Variants in PHACTR1 observed in about 807,000 individuals in gnomAD.
PHACTR1 encodes the protein RPEL repeat containing 1.
In PHACTR1, 16 loss-of-function variants were observed where a neutral mutation model predicts 69.2. That is an observed-to-expected ratio of 0.23 (90% confidence interval 0.16 to 0.35). The LOEUF is 0.35. Among genes scored for constraint, PHACTR1 ranks in the 10% least tolerant of loss-of-function variants. The pLI is 1.00. For synonymous variants in PHACTR1, 312 were observed against 284.5 expected, an observed-to-expected ratio of 1.10 and a Z score of -0.97; for missense variants, 510 against 734.7, an observed-to-expected ratio of 0.69 and a Z score of 3.54.
intron 6 of PHACTR1, among the ~76,000 whole-genome samples, chr6:13,162,002 A>G (rs1357178147): frequency 6.6e-6 from 1 of 152,076 alleles, no homozygotes; most frequent in Non-Finnish European, 1.5e-5. Context: ...CACTTTTTTG[A>G]TGGATTAAGC....
chr6:12,775,325 T>C (rs1206802166), intron 4 of PHACTR1, among the ~76,000 whole-genome samples: 1 of 151,870 alleles, frequency 6.6e-6, no homozygotes, highest in East Asian at 1.9e-4. Flanking sequence ...AATATCTTAA[T>C]TGTTTTTTAA....
chr6:13,201,459 CAG>C (rs1469836909), intron 7 of PHACTR1, among the ~76,000 whole-genome samples: 9 of 152,158 alleles, frequency 5.9e-5, no homozygotes, highest in Non-Finnish European at 1.2e-4. Context: ...AGAGTCCAGA[CAG>C]AGTCATACTT....
At chr6:13,107,140 CAG>C (rs1816296859) in intron 5 of PHACTR1, among the ~76,000 whole-genome samples, 1 of 152,056 alleles carries the variant, frequency 6.6e-6, no homozygotes, top group South Asian at 2.1e-4. Context: ...TCTTTCCAGA[CAG>C]ACTCTTGCTC....
chr6:13,028,760 C>T (rs561722759), intron 4 of PHACTR1, among the ~76,000 whole-genome samples: 1 of 152,128 alleles, frequency 6.6e-6, no homozygotes, highest in African/African-American at 2.4e-5. Flanking sequence ...CCAAATGTCA[C>T]CTTGGAGACA....
At chr6:13,138,613 G>A (rs1333773903) in intron 5 of PHACTR1, among the ~76,000 whole-genome samples, 1 of 152,184 alleles carries the variant, frequency 6.6e-6, no homozygotes, top group African/African-American at 2.4e-5. Flanking sequence ...GGCCAAGGTT[G>A]AAGCCTAGTT....
chr6:12,750,976 ATGTGTG>A (rs5874376), intron 4 of PHACTR1, among the ~76,000 whole-genome samples: 13 of 151,452 alleles, frequency 8.6e-5, no homozygotes, highest in African/African-American at 1.2e-4. Flanking sequence ...ATCAAACAAA[ATGTGTG>A]TGTGTGTGTG....
intron 4 of PHACTR1, among the ~76,000 whole-genome samples, chr6:12,974,071 G>A (rs1158345137): frequency 6.6e-6 from 1 of 151,984 alleles, no homozygotes; most frequent in East Asian, 1.9e-4. Context: ...ACAGGCATGC[G>A]CCACCACGCC....
At chr6:12,983,165 A>G (rs1378924246) in intron 4 of PHACTR1, among the ~76,000 whole-genome samples, 4 of 152,250 alleles carry the variant, frequency 2.6e-5, no homozygotes, top group African/African-American at 9.6e-5. Context: ...TGCTGCAAGG[A>G]ACTGTGGATA....
At chr6:13,142,873 C>A (rs1822715945) in intron 5 of PHACTR1, among the ~76,000 whole-genome samples, 1 of 151,344 alleles carries the variant, frequency 6.6e-6, no homozygotes, top group African/African-American at 2.4e-5. Context: ...ACCTAATGAA[C>A]AAATTGTATT....
At chr6:13,278,387 C>A (rs1038218478) in intron 12 of PHACTR1, 58 bp downstream of exon 12, 85 of 1,493,516 alleles carry the variant, frequency 5.7e-5, no homozygotes, top group Non-Finnish European at 7.0e-5. Flanking sequence ...CCTGCCACAC[C>A]TCTGCCCTCT....
chr6:13,287,216 G>A lies in PHACTR1; in HGVS notation c.*138G>A. ...TTTTTTTAAAAAGAAGAAAAATCAA[G>A]GAAACACAATCAGGATTTTATGTGT... On this transcript the variant is annotated 3_prime_UTR_variant, in exon 15 of 15. Transcript: ENST00000332995. 2 of 914,210 alleles carry A rather than the reference G, an allele frequency of 2.2e-6. No homozygotes were observed. The highest frequency in any genetic ancestry group is 2.8e-5 in the East Asian group (1 of 35,274). 56.6% of individuals were successfully genotyped at this position (914,210 alleles called of 1,614,324 possible).
At chr6:12,845,440 C>CCG (rs1554149821) in intron 4 of PHACTR1, among the ~76,000 whole-genome samples, 1 of 57,170 alleles carries the variant, frequency 1.7e-5, no homozygotes, top group Non-Finnish European at 4.5e-5. Context: ...CCCCCCCCCC[C>CCG]CCCGCCCTCC....
intron 4 of PHACTR1, among the ~76,000 whole-genome samples, chr6:13,035,427 A>ATT (rs11382978): frequency 9.3e-5 from 14 of 151,042 alleles, no homozygotes; most frequent in South Asian, 2.1e-4. Flanking sequence ...GTTCTATATG[A>ATT]TTTTTTTTTA....
At chr6:13,116,690 A>G (rs754870753) in intron 5 of PHACTR1, among the ~76,000 whole-genome samples, 13 of 152,196 alleles carry the variant, frequency 8.5e-5, no homozygotes, top group Non-Finnish European at 1.8e-4. Context: ...AGTGTGTAAT[A>G]TTTTGCAATT....
In PHACTR1 at chr6:12,959,185, AAAAAAAAAAAGAAAAG is replaced by A. The variant is rs907347098; in HGVS notation, c.251-94159_251-94144del. 3.5e-4 allele frequency among the ~76,000 whole-genome samples: 39 copies of A among 111,430 alleles called. 1 individual carries two copies. Among genetic ancestry groups the A allele is most frequent in the East Asian group, 1.6e-3 (8 of 5,028 alleles). 73.1% of individuals were successfully genotyped at this position (111,430 alleles called of 152,430 possible). ...GAGTGAGACTTTATCTCAAAAAAAAAAAAAAAAAAAGAAAAGAAAAAAAAAAGAAAAGAAAACAGAA... is the reference window on the plus strand; with the variant it reads ...GAGTGAGACTTTATCTCAAAAAAAAAAAAAAAAAAAGAAAAGAAAACAGAA... On this transcript the variant is annotated intron_variant, in intron 4 of 14. Transcript: ENST00000332995.
At chr6:13,210,907 A>ATTTTTTTTTTTTTTTT (rs1766714143) in intron 8 of PHACTR1, among the ~76,000 whole-genome samples, 1 of 79,318 alleles carries the variant, frequency 1.3e-5, no homozygotes. Context: ...ATGGTTTATC[A>ATTTTTTTTTTTTTTTT]TTTCTTTTTT....
At chr6:12,784,802 C>T (rs1771333963) in intron 4 of PHACTR1, among the ~76,000 whole-genome samples, 1 of 151,928 alleles carries the variant, frequency 6.6e-6, no homozygotes, top group Non-Finnish European at 1.5e-5. Context: ...GCAACCTCCA[C>T]CTCCCGGATT....
intron 4 of PHACTR1, among the ~76,000 whole-genome samples, chr6:12,821,752 T>C (rs1222399571): frequency 6.6e-6 from 1 of 152,214 alleles, no homozygotes; most frequent in Non-Finnish European, 1.5e-5. Flanking sequence ...GCTTTATAAA[T>C]GTTTTTGTCA....
intron 10 of PHACTR1, among the ~76,000 whole-genome samples, chr6:13,262,236 C>T (rs910451442): frequency 6.6e-6 from 1 of 152,104 alleles, no homozygotes. Flanking sequence ...GAAGTTCAGA[C>T]AGGATGATTC....
Sources: allele counts gnomAD v4.1 joint callset (sites outside exome capture counted in the v4.1 genomes callset), GRCh38; gene constraint gnomAD v4.1.1; transcripts MANE v1.5; gene names NCBI Gene and HGNC (gene_info 2026-07-23, HGNC 2026-07-21).